Variants in TENM3 observed in about 807,000 individuals in gnomAD.
The protein encoded by TENM3 is teneurin-3.
A neutral mutation model predicts 255.1 loss-of-function variants in TENM3; 63 were observed. That is an observed-to-expected ratio of 0.25 (90% CI 0.20 to 0.30). The LOEUF is 0.30. Ranked by LOEUF, TENM3 falls within the 10% of genes least tolerant of loss-of-function variation. TENM3 has a pLI of 1.00. For missense variants in TENM3, 2,929 were observed against 3,461.1 expected (o/e 0.85, Z 3.86); for synonymous variants, 1,306 against 1,322.3 (o/e 0.99, Z 0.27).
intron 3 of TENM3, among the ~76,000 whole-genome samples, chr4:182,530,198 T>C (rs538397151): frequency 1.3e-5 from 2 of 152,342 alleles, no homozygotes; most frequent in South Asian, 4.1e-4. Flanking sequence ...ATATTAGGCA[T>C]TGAAACTCAG....
intron 22 of TENM3, among the ~76,000 whole-genome samples, chr4:182,766,227 G>A (rs986657111): frequency 2.6e-5 from 4 of 152,120 alleles, no homozygotes; most frequent in African/African-American, 9.7e-5. Context: ...GAGGATGAGG[G>A]CATGCACAGT....
chr4:182,605,226 G>A lies in TENM3; in HGVS notation c.749+4065G>A, dbSNP rs76550111. Among the ~76,000 whole-genome samples, 370 of 152,174 alleles carry A rather than the reference G, an allele frequency of 2.4e-3. 4 individuals are homozygous for A. Among genetic ancestry groups the A allele is most frequent in the African/African-American group, 7.8e-3 (325 of 41,502 alleles). On this transcript the variant is annotated intron_variant, in intron 4 of 27. Transcript: ENST00000511685. ...GAGGTAGTAAGTAGTGGAATCCTCC[G>A]TAATTAAAGATACAACTTCAAGTAA...
chr4:182,586,558 C>A (rs1352582579), intron 3 of TENM3, among the ~76,000 whole-genome samples: 2 of 152,178 alleles, frequency 1.3e-5, no homozygotes, highest in African/African-American at 4.8e-5. Flanking sequence ...AAATACACGT[C>A]TATGGTAGCT....
the TENM3 span, among the ~76,000 whole-genome samples, chr4:181,927,064 T>G: frequency 6.6e-6 from 1 of 152,102 alleles, no homozygotes; most frequent in Non-Finnish European, 1.5e-5. Flanking sequence ...AGCCCTGGGT[T>G]TCAATCACAA....
chr4:182,398,176 G>A (rs1282117664), intron 3 of TENM3, among the ~76,000 whole-genome samples: 2 of 152,138 alleles, frequency 1.3e-5, no homozygotes, highest in Non-Finnish European at 2.9e-5. Context: ...TCGCTCGCGT[G>A]GAGGGGACTT....
chr4:181,724,347 C>A, the TENM3 span, among the ~76,000 whole-genome samples: 1 of 151,974 alleles, frequency 6.6e-6, no homozygotes, highest in African/African-American at 2.4e-5. Flanking sequence ...TGTCCATTTT[C>A]TCTTTTTTTT....
the TENM3 span, among the ~76,000 whole-genome samples, chr4:182,063,697 G>T: frequency 6.6e-6 from 1 of 152,180 alleles, no homozygotes; most frequent in Non-Finnish European, 1.5e-5. Context: ...GCAAGATATT[G>T]TGCTAGACAG....
At chr4:182,222,612 C>G (rs1403841616) in intron 1 of TENM3, among the ~76,000 whole-genome samples, 1 of 152,156 alleles carries the variant, frequency 6.6e-6, no homozygotes, top group Non-Finnish European at 1.5e-5. Flanking sequence ...GTTTTCTTTC[C>G]TCTGAAGAGA....
At chr4:181,500,203 A>G in the TENM3 span, among the ~76,000 whole-genome samples, 2 of 151,650 alleles carry the variant, frequency 1.3e-5, no homozygotes, top group South Asian at 2.1e-4. Flanking sequence ...TAATTTTTGT[A>G]TTTTTAGTAG....
At chr4:182,249,134 A>G (rs922709757) in intron 1 of TENM3, among the ~76,000 whole-genome samples, 2 of 152,232 alleles carry the variant, frequency 1.3e-5, no homozygotes, top group Non-Finnish European at 2.9e-5. Flanking sequence ...TGCATAGCTA[A>G]TAAGTGGTAG....
intron 12 of TENM3, among the ~76,000 whole-genome samples, chr4:182,701,210 C>CTTTTTTTTTTTTTT (rs35538818): frequency 0.016 from 613 of 38,662 alleles, 231 homozygotes; most frequent in African/African-American, 0.018. Flanking sequence ...CAACTCTTGA[C>CTTTTTTTTTTTTTT]TTTTTTTTTT....
Position 182,711,663 on chromosome 4 carries a change from A to G in TENM3, c.2222-2424A>G, listed in dbSNP as rs377709269. ...ATATATCTCTATATAACTGTATATC[A>G]CTAGGTTTGACAATAGACTTTTCCA... On this transcript the variant is annotated intron_variant, in intron 12 of 27. Transcript: ENST00000511685. The G allele has an allele frequency of 7.7e-5, 52 of 677,684 alleles. No homozygotes were observed. The East Asian group carries it at 5.3e-3, about 69-fold the overall frequency. 42.0% of individuals were successfully genotyped at this position (677,684 alleles called of 1,614,324 possible).
the TENM3 span, among the ~76,000 whole-genome samples, chr4:181,577,181 T>TTATATATTA: frequency 5.4e-5 from 7 of 129,398 alleles, no homozygotes; most frequent in Admixed American, 2.7e-4. Flanking sequence ...TTATATTATA[T>TTATATATTA]TATATATTAT....
chr4:181,536,238 G>A, the TENM3 span, among the ~76,000 whole-genome samples: 3 of 152,140 alleles, frequency 2.0e-5, no homozygotes, highest in African/African-American at 7.2e-5. Context: ...ACATTTGGAA[G>A]TCACTGCTGC....
At chr4:182,454,114 A>C (rs1205290920) in intron 3 of TENM3, among the ~76,000 whole-genome samples, 2 of 152,282 alleles carry the variant, frequency 1.3e-5, no homozygotes, top group African/African-American at 4.8e-5. Flanking sequence ...AAAGTGGTTA[A>C]ATGCATTATC....
chr4:182,371,512 G>A (rs934251885), intron 3 of TENM3, among the ~76,000 whole-genome samples: 3 of 152,010 alleles, frequency 2.0e-5, no homozygotes, highest in Non-Finnish European at 1.5e-5. Flanking sequence ...TATCCACAAC[G>A]TGTTACCTTT....
chr4:182,216,742 T>G (rs1755496018), intron 1 of TENM3, among the ~76,000 whole-genome samples: 1 of 152,226 alleles, frequency 6.6e-6, no homozygotes, highest in Non-Finnish European at 1.5e-5. Context: ...CATTGTGGTG[T>G]TCAATAAATG....
At chr4:181,865,678 T>G in the TENM3 span, among the ~76,000 whole-genome samples, 2 of 152,054 alleles carry the variant, frequency 1.3e-5, no homozygotes, top group Non-Finnish European at 2.9e-5. Flanking sequence ...GAAATAACCG[T>G]TTTTTTCCAC....
chr4:181,595,226 T>C, the TENM3 span, among the ~76,000 whole-genome samples: 8 of 151,714 alleles, frequency 5.3e-5, no homozygotes, highest in African/African-American at 1.9e-4. Flanking sequence ...AGGTCAGGAG[T>C]TCGAGATCAG....
Sources: gnomAD v4.1 joint callset for allele counts (sites outside exome capture counted in the v4.1 genomes callset) on GRCh38, gnomAD v4.1.1 for gene constraint, MANE v1.5 for transcripts, NCBI Gene and HGNC (gene_info 2026-07-23, HGNC 2026-07-21) for gene names.